Variants in CNTN5 observed in about 807,000 individuals in gnomAD.
CNTN5 encodes the protein contactin-5.
A neutral mutation model predicts 129.1 loss-of-function variants in CNTN5; 77 were observed. That is an observed-to-expected ratio of 0.60 (90% confidence interval 0.50 to 0.72). The LOEUF (loss-of-function observed/expected upper bound fraction) is 0.72, where lower values mean the gene tolerates loss of function less well. Among genes scored for constraint, CNTN5 ranks in the 30% least tolerant of loss-of-function variants. CNTN5 has a pLI of 0.00. For synonymous variants in CNTN5, 509 were observed against 465.6 expected (o/e 1.09, Z -1.20); for missense variants, 1,478 against 1,328.8 (o/e 1.11, Z -1.75).
intron 13 of CNTN5, among the ~76,000 whole-genome samples, chr11:100,087,533 A>G (rs1225600301): frequency 1.3e-5 from 2 of 151,938 alleles, no homozygotes; most frequent in Non-Finnish European, 2.9e-5. Context: ...CCTCATGAAC[A>G]TAGATGACAT....
chr11:99,722,139 C>T (rs1353534995), intron 3 of CNTN5, among the ~76,000 whole-genome samples: 1 of 152,084 alleles, frequency 6.6e-6, no homozygotes, highest in Non-Finnish European at 1.5e-5. Flanking sequence ...TGATATATAC[C>T]ATGACAAATA....
chr11:99,515,226 G>C (rs927664454), intron 2 of CNTN5, among the ~76,000 whole-genome samples: 1 of 151,984 alleles, frequency 6.6e-6, no homozygotes, highest in African/African-American at 2.4e-5. Flanking sequence ...TGCTGAATGT[G>C]GTGTCAGACA....
intron 1 of CNTN5, among the ~76,000 whole-genome samples, chr11:99,180,863 A>G (rs184083391): frequency 1.3e-5 from 2 of 152,324 alleles, no homozygotes; most frequent in Non-Finnish European, 2.9e-5. Context: ...ATTGCCAGTG[A>G]TATACACATA....
At chr11:100,226,698 G>T (rs1199106981) in intron 16 of CNTN5, among the ~76,000 whole-genome samples, 3 of 152,026 alleles carry the variant, frequency 2.0e-5, no homozygotes, top group Non-Finnish European at 4.4e-5. Flanking sequence ...AAAATATCTT[G>T]TCATTTCTTC....
At chr11:99,368,651 G>C (rs945929412) in intron 2 of CNTN5, among the ~76,000 whole-genome samples, 3 of 150,314 alleles carry the variant, frequency 2.0e-5, no homozygotes, top group Non-Finnish European at 3.0e-5. Context: ...TATAATTATC[G>C]TAAGACTACA....
Position 99,925,334 on chromosome 11 carries a change from A to C in CNTN5, c.673+9185A>C, listed in dbSNP as rs754655747. Among the ~76,000 whole-genome samples the C allele has an allele frequency of 9.2e-5, 14 of 152,352 alleles. No individual in the cohort carries two copies. The South Asian group carries it at 1.2e-3, about 14-fold the overall frequency. On this transcript the variant is annotated intron_variant, in intron 7 of 24. Coordinates refer to ENST00000524871, the MANE Select transcript of CNTN5 (RefSeq NM_014361.4). ...TATTTTATTTCTGCATATAAGCTTT[A>C]AGCCATCATAGAAAATAGCTGAATT...
intron 3 of CNTN5, among the ~76,000 whole-genome samples, chr11:99,714,487 A>G (rs555321671): frequency 1.4e-4 from 22 of 152,088 alleles, no homozygotes; most frequent in South Asian, 8.3e-4. Context: ...TGGATGGTTT[A>G]ACTTATTTTT....
rs71050011 is a variant in CNTN5 at position 99,645,262 on chromosome 11, C to CAAAAA, written c.55+89014_55+89018dup. On this transcript the variant is annotated intron_variant, in intron 3 of 24. Coordinates refer to ENST00000524871, the MANE Select transcript of CNTN5 (RefSeq NM_014361.4). ...GCAACAGAGCGAGGCTCCATCTCAA[C>CAAAAA]AAAAAAAAAAAAAAAAAAAAAAAAA... Among the ~76,000 whole-genome samples the CAAAAA allele has an allele frequency of 4.9e-3, 232 of 47,432 alleles. 6 individuals carry two copies. Among genetic ancestry groups the CAAAAA allele is most frequent in the Middle Eastern group, 0.023 (1 of 44 alleles). 31.1% of individuals were successfully genotyped at this position (47,432 alleles called of 152,430 possible).
intron 3 of CNTN5, among the ~76,000 whole-genome samples, chr11:99,747,576 C>T (rs1944095744): frequency 6.6e-6 from 1 of 150,644 alleles, no homozygotes; most frequent in Non-Finnish European, 1.5e-5. Flanking sequence ...CCCCATTCTC[C>T]TGACTCAGCC....
intron 1 of CNTN5, among the ~76,000 whole-genome samples, chr11:99,155,933 GAAT>G (rs142663026): frequency 0.014 from 2,068 of 152,000 alleles, 47 homozygotes; most frequent in African/African-American, 0.047. Context: ...CTCTTCTAGG[GAAT>G]AATTTACACA....
At chr11:99,334,642 G>T (rs185633579) in intron 2 of CNTN5, among the ~76,000 whole-genome samples, 4 of 152,034 alleles carry the variant, frequency 2.6e-5, no homozygotes, top group African/African-American at 9.7e-5. Context: ...CTAGCCACAT[G>T]TGGCTATTGA....
chr11:99,792,149 G>T (rs560553578), intron 3 of CNTN5, among the ~76,000 whole-genome samples: 1 of 152,144 alleles, frequency 6.6e-6, no homozygotes, highest in South Asian at 2.1e-4. Flanking sequence ...AATAGGAATG[G>T]TGAAAATGGT....
At chr11:99,052,300 A>G (rs1297623297) in intron 1 of CNTN5, among the ~76,000 whole-genome samples, 1 of 151,906 alleles carries the variant, frequency 6.6e-6, no homozygotes, top group Non-Finnish European at 1.5e-5. Flanking sequence ...AAGTACAGCT[A>G]TGCTCCATGT....
chr11:99,597,601 C>T (rs571764709), intron 3 of CNTN5, among the ~76,000 whole-genome samples: 15 of 152,100 alleles, frequency 9.9e-5, no homozygotes, highest in East Asian at 5.8e-4. Flanking sequence ...GCCTGTTTTC[C>T]GGTACTGGTT....
At chr11:99,523,636 GA>G (rs1434061762) in intron 2 of CNTN5, among the ~76,000 whole-genome samples, 5 of 49,980 alleles carry the variant, frequency 1.0e-4, no homozygotes, top group African/African-American at 2.3e-4. Context: ...GAATAGAATA[GA>G]ATAGAATAGA....
chr11:100,319,960 T>C (rs1281934862), intron 21 of CNTN5, among the ~76,000 whole-genome samples: 1 of 152,248 alleles, frequency 6.6e-6, no homozygotes, highest in Non-Finnish European at 1.5e-5. Context: ...TGTTCATCTG[T>C]TGATGGACAA....
chr11:99,763,597 G>A (rs79303287), intron 3 of CNTN5, among the ~76,000 whole-genome samples: 3,842 of 152,046 alleles, frequency 0.025, 186 homozygotes, highest in African/African-American at 0.086. Flanking sequence ...TTTTAAATGC[G>A]TGTAGTCAAA....
At chr11:99,653,588 G>A (rs1952238189) in intron 3 of CNTN5, among the ~76,000 whole-genome samples, 1 of 152,004 alleles carries the variant, frequency 6.6e-6, no homozygotes. Flanking sequence ...TAAAATGTGA[G>A]GGGGGAAAAT....
At chr11:99,512,660 T>G (rs1946884198) in intron 2 of CNTN5, among the ~76,000 whole-genome samples, 1 of 152,170 alleles carries the variant, frequency 6.6e-6, no homozygotes, top group South Asian at 2.1e-4. Context: ...TTTTTCATTA[T>G]TATTATGCCT....
Sources: allele counts gnomAD v4.1 joint callset (sites outside exome capture counted in the v4.1 genomes callset), GRCh38; gene constraint gnomAD v4.1.1; transcripts MANE v1.5; gene names NCBI Gene and HGNC (gene_info 2026-07-23, HGNC 2026-07-21).